Variants in SNIP1 observed in about 807,000 individuals in gnomAD.
SNIP1 encodes Smad nuclear interacting protein 1, also known as smad nuclear-interacting protein 1.
A neutral mutation model predicts 37.4 loss-of-function variants in SNIP1; 23 were observed. That is an observed-to-expected ratio of 0.61 (90% CI 0.44 to 0.87). The LOEUF is 0.87. Ranked by LOEUF, SNIP1 falls within the 40% of genes least tolerant of loss-of-function variation. The probability of loss-of-function intolerance (pLI) is 0.00; values close to 1 mark genes in which losing one functional copy is unlikely to be tolerated. For synonymous variants in SNIP1, 174 were observed against 200.0 expected, an observed-to-expected ratio of 0.87 and a Z score of 1.10; for missense variants, 459 against 540.4, an observed-to-expected ratio of 0.85 and a Z score of 1.49.
rs888592951 is a variant in SNIP1 at position 37,537,961 on chromosome 1, G to C, written c.978C>G (p.Pro326=). The C allele has an allele frequency of 6.2e-7, 1 of 1,613,980 alleles. No homozygotes were observed. The highest frequency in any genetic ancestry group is 8.5e-7 in the Non-Finnish European group (1 of 1,180,022). Reference sequence around the variant, plus strand: ...TGCCTGAGCCAAGGTCAATGATGTAGGGCTTCACTCTTCGGCCAACTGTGC... The same window carrying C: ...TGCCTGAGCCAAGGTCAATGATGTACGGCTTCACTCTTCGGCCAACTGTGC... The part of the protein sequence containing the change: ...ADGTVGRRVK[P]YIIDLGSGNG... Residue 326 remains proline (P), a synonymous_variant, in exon 4 of 4, where the codon CCC becomes CCG. Transcript: ENST00000296215.
intron 2 of SNIP1, among the ~76,000 whole-genome samples, chr1:37,541,757 T>G (rs981452724): frequency 6.6e-6 from 1 of 152,082 alleles, no homozygotes; most frequent in African/African-American, 2.4e-5. Flanking sequence ...GTATGGTGGA[T>G]GGCTGAAACC....
In SNIP1 at chr1:37,535,018, C is replaced by T. The variant is rs1252364493; in HGVS notation, c.*2730G>A. The T allele has an allele frequency of 6.8e-6, 1 of 147,108 alleles. No homozygotes were observed. The highest frequency in any genetic ancestry group is 2.0e-4 in the East Asian group (1 of 5,066). The allele number at this position is 147,108 out of a possible 1,614,324, so 9.1% of individuals were successfully genotyped here. On this transcript the variant is annotated 3_prime_UTR_variant, in exon 4 of 4. Transcript: ENST00000296215. ...ATCTGGCTTTAGAGGCAGGTAATGT[C>T]TTTTGACACCCTTTCTTCAAAGAAA... is the stretch of plus-strand genomic sequence containing the variant.
chr1:37,547,364 A>G (rs1002380611), intron 2 of SNIP1, among the ~76,000 whole-genome samples: 2 of 152,160 alleles, frequency 1.3e-5, no homozygotes, highest in African/African-American at 4.8e-5. Flanking sequence ...CGAGAGAAGT[A>G]AACCATACTC....
At chr1:37,550,820 G>A (rs1643291380) in intron 2 of SNIP1, among the ~76,000 whole-genome samples, 1 of 151,936 alleles carries the variant, frequency 6.6e-6, no homozygotes, top group Admixed American at 6.6e-5. Context: ...CCAAGGCCAG[G>A]TGCAGTGGCT....
rs1237751562 is a variant in SNIP1 at position 37,538,014 on chromosome 1, T to A, written c.927-2A>T. On this transcript the variant is annotated splice_acceptor_variant, in intron 3 of 3. Coordinates refer to ENST00000296215, the MANE Select transcript of SNIP1 (RefSeq NM_024700.4). LOFTEE classifies it high-confidence loss of function. ...TCAGCACGGGTATATTCCACAAGCCTAGCAGAAAAAAAGGAGAAACCTGTG... is the reference window on the plus strand; with the variant it reads ...TCAGCACGGGTATATTCCACAAGCCAAGCAGAAAAAAAGGAGAAACCTGTG... The A allele has an allele frequency of 6.3e-7, 1 of 1,580,124 alleles. No individual in the cohort carries two copies. The highest frequency in any genetic ancestry group is 1.9e-5 in the Admixed American group (1 of 52,246).
chr1:37,546,633 C>G (rs1175224732), intron 2 of SNIP1, among the ~76,000 whole-genome samples: 1 of 152,038 alleles, frequency 6.6e-6, no homozygotes, highest in Non-Finnish European at 1.5e-5. Flanking sequence ...AAGATTGCAC[C>G]ACTGCACTCC....
In SNIP1 at chr1:37,535,243, T is replaced by TATATATATATATATA. The variant is rs1264980418; in HGVS notation, c.*2504_*2505insTATATATATATATAT. ...AAAAAATAAAAATTATATATATAAA[T>TATATATATATATATA]TAGCCAGGCTTGGTGACAGGTGCCT... is the stretch of plus-strand genomic sequence containing the variant. On this transcript the variant is annotated 3_prime_UTR_variant, in exon 4 of 4. Transcript: ENST00000296215. 1.9e-4 allele frequency: 25 copies of TATATATATATATATA among 134,496 alleles called. No homozygotes were observed. The highest frequency in any genetic ancestry group is 3.3e-4 in the African/African-American group (11 of 33,154). 8.3% of individuals were successfully genotyped at this position (134,496 alleles called of 1,614,324 possible). A position where few individuals can be genotyped will look rare whatever the true frequency, so the allele number is the denominator to read the frequency against.
intron 2 of SNIP1, chr1:37,549,091 T>A: frequency 7.0e-6 from 1 of 143,444 alleles, no homozygotes. Context: ...AAATCCCAAG[T>A]AATCTTAAAA....
In SNIP1 at chr1:37,537,570, A is replaced by G; in HGVS notation, c.*178T>C. On this transcript the variant is annotated 3_prime_UTR_variant, in exon 4 of 4. Transcript: ENST00000296215. ...GTGCCACAGAAAAAGTTTAACAAAC[A>G]TTAGTCAGTGTATTCAAATGGTAAC... 1.5e-6 allele frequency: 1 copy of G among 663,404 alleles called. No homozygotes were observed. The allele number at this position is 663,404 out of a possible 1,614,324, so 41.1% of individuals were successfully genotyped here.
intron 1 of SNIP1, among the ~76,000 whole-genome samples, chr1:37,553,159 C>T (rs1020055421): frequency 7.9e-5 from 12 of 152,202 alleles, no homozygotes; most frequent in African/African-American, 2.9e-4. Flanking sequence ...CTACCACCCA[C>T]CTTCTTGACC....
intron 2 of SNIP1, chr1:37,544,789 G>T (rs1047758076): frequency 1.4e-6 from 1 of 739,446 alleles, no homozygotes; most frequent in African/African-American, 1.7e-5. Context: ...CCCCTCGCAG[G>T]TGCGCCAGAA....
chr1:37,541,432 G>A (rs1643173048), intron 2 of SNIP1: 1 of 152,216 alleles, frequency 6.6e-6, no homozygotes, highest in South Asian at 2.1e-4. Flanking sequence ...GGAGACCGAG[G>A]CGGGTGGATC....
rs146974230 is a variant in SNIP1, at chr1:37,537,783, C to T, written c.1156G>A (p.Asp386Asn). ...TSEIDRKDDE[D>N]EEEEEEVSDS Reference sequence around the variant, plus strand: ...GACACTTCTTCCTCCTCCTCCTCATCCTCGTCATCTTTCCTGTCTATTTCA... The same window carrying T: ...GACACTTCTTCCTCCTCCTCCTCATTCTCGTCATCTTTCCTGTCTATTTCA... The change falls in exon 4 of 4, where the codon GAT (aspartate) becomes AAT (asparagine). Residue 386 changes from aspartate to asparagine, a missense_variant. Asp to Asn is a conservative substitution (Grantham distance 23). Coordinates refer to ENST00000296215, the MANE Select transcript of SNIP1 (RefSeq NM_024700.4). The T allele has an allele frequency of 3.2e-4, 511 of 1,614,060 alleles. No individual in the cohort carries two copies. Among genetic ancestry groups the T allele is most frequent in the Non-Finnish European group, 4.2e-4 (500 of 1,180,016 alleles).
At chr1:37,547,462 G>A (rs560375017) in intron 2 of SNIP1, among the ~76,000 whole-genome samples, 4 of 152,156 alleles carry the variant, frequency 2.6e-5, no homozygotes, top group Admixed American at 1.3e-4. Context: ...AGTTGGGTAC[G>A]GTGGTTCATA....
intron 2 of SNIP1, among the ~76,000 whole-genome samples, chr1:37,550,493 G>A (rs1012327529): frequency 2.0e-5 from 3 of 150,486 alleles, no homozygotes; most frequent in Non-Finnish European, 4.4e-5. Flanking sequence ...AATCACCAGA[G>A]GTCAGGAGTT....
At chr1:37,548,618 A>C (rs1326080907) in intron 2 of SNIP1, among the ~76,000 whole-genome samples, 1 of 151,928 alleles carries the variant, frequency 6.6e-6, no homozygotes, top group Admixed American at 6.6e-5. Context: ...CCCAGACTCT[A>C]ATCCCAGTTA....
At chr1:37,553,970 A>G (rs1158931806) in intron 1 of SNIP1, 36 bp downstream of exon 1, 2 of 1,546,506 alleles carry the variant, frequency 1.3e-6, no homozygotes, top group East Asian at 4.9e-5. Flanking sequence ...GAATGAGCCC[A>G]ACCCAATGTC....
In SNIP1 at chr1:37,554,283, G is replaced by A. The variant is rs1270963428; in HGVS notation, c.-54C>T. ...CAGATCAGTTGAGCTCCTCTAGCTG[G>A]AGGAAATGACGAGTTTAACTCCTGG... On this transcript the variant is annotated 5_prime_UTR_variant, in exon 1 of 4. Coordinates refer to ENST00000296215, the MANE Select transcript of SNIP1 (RefSeq NM_024700.4). 2.6e-5 allele frequency: 40 copies of A among 1,517,578 alleles called. No individual in the cohort carries two copies. The highest frequency in any genetic ancestry group is 3.5e-5 in the Non-Finnish European group (40 of 1,128,232). The allele number at this position is 1,517,578 out of a possible 1,614,324, so 94.0% of individuals were successfully genotyped here. A position where few individuals can be genotyped will look rare whatever the true frequency, so the allele number is the denominator to read the frequency against.
intron 2 of SNIP1, among the ~76,000 whole-genome samples, chr1:37,551,795 T>C (rs1232820976): frequency 6.6e-6 from 1 of 152,172 alleles, no homozygotes; most frequent in Non-Finnish European, 1.5e-5. Flanking sequence ...CTAGGTAAAC[T>C]AATACAGCCA....
Sources: allele counts gnomAD v4.1 joint callset (sites outside exome capture counted in the v4.1 genomes callset), GRCh38; gene constraint gnomAD v4.1.1; transcripts MANE v1.5; gene names NCBI Gene and HGNC (gene_info 2026-07-23, HGNC 2026-07-21).